Variants in OSGEPL1 observed in about 807,000 individuals in gnomAD.
OSGEPL1 encodes O-sialoglycoprotein endopeptidase like 1, also known as tRNA N6-adenosine threonylcarbamoyltransferase, mitochondrial.
In OSGEPL1, 26 loss-of-function variants were observed where a neutral mutation model predicts 37.2. The observed-to-expected ratio is 0.70, with a 90% CI of 0.51 to 0.97. OSGEPL1 has a LOEUF of 0.97. OSGEPL1 is among the 50% of genes least tolerant of loss of function. The pLI is 0.00. For missense variants in OSGEPL1, 404 were observed against 487.0 expected (o/e 0.83, Z 1.60); for synonymous variants, 140 against 159.9 (o/e 0.88, Z 0.94).
chr2:189,753,814 A>G, intron 5 of OSGEPL1, 102 bp downstream of exon 5: 1 of 1,219,386 alleles, frequency 8.2e-7, no homozygotes. Context: ...GGCTAGCATA[A>G]GGCATAAAGA....
intron 2 of OSGEPL1, among the ~76,000 whole-genome samples, chr2:189,756,016 A>G (rs1318227156): frequency 3.3e-5 from 5 of 152,244 alleles, no homozygotes; most frequent in Non-Finnish European, 5.9e-5. Context: ...CTTAAGAACT[A>G]TAATAACTAA....
chr2:189,747,890 T>C (rs1034322502), intron 8 of OSGEPL1, among the ~76,000 whole-genome samples: 2 of 152,194 alleles, frequency 1.3e-5, no homozygotes, highest in African/African-American at 2.4e-5. Context: ...TTCACCATGT[T>C]GGCCAGGCTG....
At chr2:189,760,579 T>G (rs2046889087) in intron 2 of OSGEPL1, among the ~76,000 whole-genome samples, 1 of 152,100 alleles carries the variant, frequency 6.6e-6, no homozygotes, top group Non-Finnish European at 1.5e-5. Context: ...GATCAAGAGG[T>G]CAGGAGATTG....
chr2:189,746,748 G>A lies in OSGEPL1; in HGVS notation c.*449C>T, dbSNP rs80306810. On this transcript the variant is annotated 3_prime_UTR_variant, in exon 9 of 9. Transcript: ENST00000264151. ...TTTTTGAATGAAAGTTCTTGATCTC[G>A]ATACTAAGCAGATTTTCCTTAGCAT... 2.6e-3 allele frequency: 2,559 copies of A among 973,056 alleles called. 53 individuals are homozygous for A. In the African/African-American group the frequency reaches 0.039, roughly 15 times the overall value. The allele number at this position is 973,056 out of a possible 1,614,324, so 60.3% of individuals were successfully genotyped here. A position where few individuals can be genotyped will look rare whatever the true frequency, so the allele number is the denominator to read the frequency against.
chr2:189,757,165 T>C (rs890189411), intron 2 of OSGEPL1, among the ~76,000 whole-genome samples: 4 of 152,332 alleles, frequency 2.6e-5, no homozygotes, highest in African/African-American at 9.6e-5. Context: ...GGCTTGAAGC[T>C]ATAGCCAAGA....
At chr2:189,760,737 G>A (rs1574930593) in intron 2 of OSGEPL1, among the ~76,000 whole-genome samples, 1 of 152,034 alleles carries the variant, frequency 6.6e-6, no homozygotes, top group Middle Eastern at 3.4e-3. Flanking sequence ...ATTGCAGTGA[G>A]CCGAGATCAT....
At chr2:189,753,834 C>A in intron 5 of OSGEPL1, 82 bp downstream of exon 5, 1 of 1,442,670 alleles carries the variant, frequency 6.9e-7, no homozygotes, top group Non-Finnish European at 9.4e-7. Context: ...ATCTGTTCAT[C>A]CTAAACACAA....
At chr2:189,750,444 TCAAATAGA>T in intron 8 of OSGEPL1, 98 bp downstream of exon 8, 2 of 422,882 alleles carry the variant, frequency 4.7e-6, no homozygotes, top group Middle Eastern at 5.8e-4. Context: ...AGGTAAAACA[TCAAATAGA>T]AAAAAAAAAA....
At chr2:189,747,820 C>T (rs933271986) in intron 8 of OSGEPL1, among the ~76,000 whole-genome samples, 7 of 152,040 alleles carry the variant, frequency 4.6e-5, no homozygotes, top group South Asian at 2.1e-4. Context: ...TGAGTAGCTG[C>T]GGTTACAGGC....
intron 8 of OSGEPL1, among the ~76,000 whole-genome samples, chr2:189,747,844 C>T (rs1162240237): frequency 6.6e-6 from 1 of 152,168 alleles, no homozygotes; most frequent in African/African-American, 2.4e-5. Flanking sequence ...TGCCACCACA[C>T]CTGGCTAATT....
chr2:189,761,997 A>G (rs1443303146), intron 1 of OSGEPL1, among the ~76,000 whole-genome samples: 1 of 152,222 alleles, frequency 6.6e-6, no homozygotes, highest in Non-Finnish European at 1.5e-5. Context: ...AATTAAGACA[A>G]AATGTGGATT....
In OSGEPL1 at chr2:189,750,581, T is replaced by C. The variant is rs188654149; in HGVS notation, c.1242A>G (p.Ile414Met). ...GGACTTTTTTGAACAGCAGAAATCA[T>C]ATCTCCATTTTTAATTGTGGTACTT... is the stretch of plus-strand genomic sequence containing the variant. ...SIKVPQLKME[I>M] Residue 414 changes from isoleucine to methionine, a missense_variant, in exon 8 of 9, where the codon ATA becomes ATG. Physicochemically the swap from Ile to Met is conservative, Grantham distance 10 (BLOSUM62 1). Coordinates refer to ENST00000264151, the MANE Select transcript of OSGEPL1 (RefSeq NM_022353.3). 65 of 1,558,652 alleles carry C rather than the reference T, an allele frequency of 4.2e-5. No homozygotes were observed. In the Admixed American group the frequency reaches 1.1e-3, roughly 27 times the overall value.
intron 7 of OSGEPL1, 25 bp downstream of exon 7, chr2:189,752,628 A>G: frequency 6.2e-7 from 1 of 1,611,700 alleles, no homozygotes; most frequent in Non-Finnish European, 8.5e-7. Context: ...TAACTTGCAT[A>G]AAGATCATGA....
chr2:189,755,342 T>A lies in OSGEPL1; in HGVS notation c.440A>T (p.His147Leu). ...AATAGTAAGTGCATGAGCCTCCATA[T>A]GATGAATGGGAATGAATGGCTTTTT... ...QLKKPFIPIHHMEAHALTIRL... is the reference protein window; with the variant it reads ...QLKKPFIPIHLMEAHALTIRL... The change falls in exon 3 of 9, where the codon CAT (histidine) becomes CTT (leucine). Residue 147 changes from histidine (H) to leucine (L), a missense_variant. His to Leu is a moderately conservative substitution (Grantham distance 99). Coordinates refer to ENST00000264151, the MANE Select transcript of OSGEPL1 (RefSeq NM_022353.3). 6.2e-7 allele frequency: 1 copy of A among 1,613,478 alleles called. No individual in the cohort carries two copies. Among genetic ancestry groups the A allele is most frequent in the South Asian group, 1.1e-5 (1 of 90,998 alleles).
In OSGEPL1 at chr2:189,747,179, T is replaced by C. The variant is rs1349132096; in HGVS notation, c.*29-11A>G. The C allele has an allele frequency of 1.3e-5, 2 of 151,890 alleles. No homozygotes were observed. Among genetic ancestry groups the C allele is most frequent in the African/African-American group, 4.8e-5 (2 of 41,240 alleles). 9.4% of individuals were successfully genotyped at this position (151,890 alleles called of 1,614,324 possible). A position where few individuals can be genotyped will look rare whatever the true frequency, so the allele number is the denominator to read the frequency against. On this transcript the variant is annotated splice_polypyrimidine_tract_variant and intron_variant, in intron 8 of 8. Transcript: ENST00000264151. The stretch of plus-strand genomic sequence containing the variant: ...GGCAAGAGCCTGTCTCTACAAAAAA[T>C]AGAAATAAAGTTGGCTGGGCATGGA...
chr2:189,762,761 G>A lies in OSGEPL1; in HGVS notation c.-97C>T, dbSNP rs369316131. 3.0e-6 allele frequency: 3 copies of A among 985,400 alleles called. No homozygotes were observed. The African/African-American group carries it at 5.2e-5, about 17-fold the overall frequency. 61.0% of individuals were successfully genotyped at this position (985,400 alleles called of 1,614,324 possible). A position where few individuals can be genotyped will look rare whatever the true frequency, so the allele number is the denominator to read the frequency against. ...CTGTCGACTGCCCTTATCGCTGCAG[G>A]AGAAAGCCCGAACCTGGCGCCCGGA... On this transcript the variant is annotated 5_prime_UTR_variant, in exon 1 of 9. Transcript: ENST00000264151.
At position 189,755,239 on chromosome 2, in the gene OSGEPL1, T is replaced by C. The variant is rs758712107; in HGVS notation, c.543A>G (p.Gln181=). ...SGGHCLLALV[Q]GVSDFLLLGK... is the part of the protein sequence containing the mutation. ...CAAGAAGCAGAAAATCTGAAACTCC[T>C]TGAACTAATGCCAACAGACAGTGAC... Residue 181 remains glutamine, a synonymous_variant, in exon 3 of 9, where the codon CAA becomes CAG. Coordinates refer to ENST00000264151, the MANE Select transcript of OSGEPL1 (RefSeq NM_022353.3). The C allele has an allele frequency of 3.7e-5, 60 of 1,613,044 alleles. No individual in the cohort carries two copies. Among genetic ancestry groups the C allele is most frequent in the Non-Finnish European group, 5.0e-5 (59 of 1,179,656 alleles).
intron 8 of OSGEPL1, among the ~76,000 whole-genome samples, chr2:189,749,829 A>G (rs1451929972): frequency 1.3e-5 from 2 of 152,224 alleles, no homozygotes; most frequent in African/African-American, 2.4e-5. Context: ...CTGCTTTGAC[A>G]TGACTGATCT....
chr2:189,750,588 A>G lies in OSGEPL1; in HGVS notation c.1235T>C (p.Met412Thr). Reference sequence around the variant, plus strand: ...TTTGAACAGCAGAAATCATATCTCCATTTTTAATTGTGGTACTTTTATGGA... The same window carrying G: ...TTTGAACAGCAGAAATCATATCTCCGTTTTTAATTGTGGTACTTTTATGGA... Reference protein sequence around the residue: ...EASIKVPQLKMEI With the variant: ...EASIKVPQLKTEI Residue 412 changes from methionine (M) to threonine (T), a missense_variant, in exon 8 of 9, where the codon ATG becomes ACG. By Grantham distance (81) the Met-to-Thr change is moderately conservative. Transcript: ENST00000264151. 1.3e-6 allele frequency: 2 copies of G among 1,575,672 alleles called. No homozygotes were observed. Among genetic ancestry groups the G allele is most frequent in the East Asian group, 2.3e-5 (1 of 44,060 alleles).
Sources: gnomAD v4.1 joint callset for allele counts (sites outside exome capture counted in the v4.1 genomes callset) on GRCh38, gnomAD v4.1.1 for gene constraint, MANE v1.5 for transcripts, NCBI Gene and HGNC (gene_info 2026-07-23, HGNC 2026-07-21) for gene names.